Variants in THSD7B observed in about 807,000 individuals in gnomAD.
THSD7B encodes the protein thrombospondin type-1 domain-containing protein 7B.
THSD7B carries 138 observed loss-of-function variants against 213.6 expected under a neutral mutation model. The observed-to-expected ratio is 0.65, with a 90% CI of 0.56 to 0.74. THSD7B has a LOEUF of 0.74. THSD7B is among the 30% of genes least tolerant of loss of function. THSD7B has a pLI of 0.00. For missense variants in THSD7B, 1,931 were observed against 1,991.5 expected (o/e 0.97, Z 0.58); for synonymous variants, 742 against 687.0 (o/e 1.08, Z -1.25).
At chr2:137,657,250 AGGGGTGACTT>A in intron 24 of THSD7B, 90 bp downstream of exon 24, 1 of 1,252,664 alleles carries the variant, frequency 8.0e-7, no homozygotes. Flanking sequence ...ATTATAAACA[AGGGGTGACTT>A]GGGCAGGTAG....
At chr2:137,176,698 A>T (rs898493510) in intron 7 of THSD7B, among the ~76,000 whole-genome samples, 7 of 152,208 alleles carry the variant, frequency 4.6e-5, no homozygotes, top group African/African-American at 7.2e-5. Context: ...TGTTCACTGC[A>T]GTCTTGCTAG....
intron 14 of THSD7B, among the ~76,000 whole-genome samples, chr2:137,447,512 C>G (rs1295260249): frequency 6.6e-6 from 1 of 152,098 alleles, no homozygotes; most frequent in Non-Finnish European, 1.5e-5. Flanking sequence ...AATGTTGTGA[C>G]TTCCTTTTAA....
At chr2:137,136,341 C>G (rs1679459214) in intron 5 of THSD7B, among the ~76,000 whole-genome samples, 1 of 152,114 alleles carries the variant, frequency 6.6e-6, no homozygotes, top group African/African-American at 2.4e-5. Flanking sequence ...AGACTTTATT[C>G]CAGTGAACAG....
At chr2:137,254,010 T>C (rs567731867) in intron 10 of THSD7B, among the ~76,000 whole-genome samples, 3 of 152,324 alleles carry the variant, frequency 2.0e-5, no homozygotes, top group African/African-American at 7.2e-5. Flanking sequence ...AAACATCAAA[T>C]AATTTATGTA....
intron 1 of THSD7B, among the ~76,000 whole-genome samples, chr2:136,774,624 C>T (rs377407535): frequency 1.3e-5 from 2 of 152,072 alleles, no homozygotes; most frequent in Non-Finnish European, 2.9e-5. Flanking sequence ...GCATATTTCA[C>T]AGGTAGCTTA....
At chr2:137,603,776 G>A (rs1384492288) in intron 17 of THSD7B, among the ~76,000 whole-genome samples, 1 of 152,102 alleles carries the variant, frequency 6.6e-6, no homozygotes, top group Non-Finnish European at 1.5e-5. Flanking sequence ...AATATAATTT[G>A]GCTTGGCATC....
rs149407903 is a variant in THSD7B, at chr2:136,991,002, G to A, written c.140-65418G>A. On this transcript the variant is annotated intron_variant, in intron 2 of 27. Coordinates refer to ENST00000409968, the MANE Select transcript of THSD7B (RefSeq NM_001316349.2). ...TATCACATCGTCTCTGCTGGCACAG[G>A]TGAATACCTGTCCTCCCCAAAAAAG... The A allele has an allele frequency of 7.1e-5, 86 of 1,205,774 alleles. No homozygotes were observed. The African/African-American group carries it at 1.2e-3, about 17-fold the overall frequency. 74.7% of individuals were successfully genotyped at this position (1,205,774 alleles called of 1,614,324 possible). A position where few individuals can be genotyped will look rare whatever the true frequency, so the allele number is the denominator to read the frequency against.
intron 12 of THSD7B, among the ~76,000 whole-genome samples, chr2:137,390,967 G>C (rs566417763): frequency 6.6e-6 from 1 of 151,934 alleles, no homozygotes; most frequent in South Asian, 2.1e-4. Context: ...TGTTCACCAG[G>C]GATATTTGTA....
At chr2:137,565,680 G>A (rs1681223173) in intron 16 of THSD7B, among the ~76,000 whole-genome samples, 1 of 152,112 alleles carries the variant, frequency 6.6e-6, no homozygotes, top group African/African-American at 2.4e-5. Flanking sequence ...TTCTCACTTG[G>A]TGGAAGCTTC....
intron 15 of THSD7B, among the ~76,000 whole-genome samples, chr2:137,559,638 C>A (rs1386452020): frequency 7.9e-5 from 12 of 152,142 alleles, no homozygotes; most frequent in Admixed American, 7.9e-4. Flanking sequence ...CAATACCATT[C>A]AGGACATAGG....
chr2:137,228,988 G>T (rs1238948960), intron 7 of THSD7B, among the ~76,000 whole-genome samples: 1 of 152,166 alleles, frequency 6.6e-6, no homozygotes, highest in Admixed American at 6.5e-5. Flanking sequence ...AAGAAAGATA[G>T]AGATGCTCTT....
chr2:137,181,002 T>C (rs903873438), intron 7 of THSD7B, among the ~76,000 whole-genome samples: 7 of 152,154 alleles, frequency 4.6e-5, no homozygotes, highest in African/African-American at 1.7e-4. Context: ...GCAAGAGAGA[T>C]CACCTGTACA....
At position 137,611,665 on chromosome 2, in the gene THSD7B, A is replaced by G. The variant is rs1327842516; in HGVS notation, c.3424-4510A>G. Among the ~76,000 whole-genome samples the G allele has an allele frequency of 2.6e-5, 4 of 152,242 alleles. No individual in the cohort carries two copies. The East Asian group carries it at 7.7e-4, about 29-fold the overall frequency. ...GTTTGAAAAAACAAACAAACAAAAA[A>G]ACACTTATTTGGATGACTAAGACTA... On this transcript the variant is annotated intron_variant, in intron 17 of 27. Transcript: ENST00000409968.
intron 2 of THSD7B, among the ~76,000 whole-genome samples, chr2:136,981,840 C>T (rs1449956802): frequency 2.0e-5 from 3 of 152,170 alleles, no homozygotes; most frequent in African/African-American, 7.2e-5. Context: ...ACCCACCCCT[C>T]TTTCTTATCT....
At chr2:137,403,208 C>T (rs780919744) in intron 12 of THSD7B, among the ~76,000 whole-genome samples, 11 of 152,134 alleles carry the variant, frequency 7.2e-5, no homozygotes, top group Non-Finnish European at 1.6e-4. Context: ...ATTGTGTGTG[C>T]ATCCATTGTC....
chr2:136,990,909 TG>T, intron 2 of THSD7B: 1 of 1,349,568 alleles, frequency 7.4e-7, no homozygotes, highest in Non-Finnish European at 9.9e-7. Flanking sequence ...ACACAGCAGA[TG>T]AGGTGGTTTT....
At chr2:137,344,678 AT>A (rs767102744) in intron 12 of THSD7B, among the ~76,000 whole-genome samples, 5 of 151,624 alleles carry the variant, frequency 3.3e-5, no homozygotes, top group African/African-American at 4.8e-5. Flanking sequence ...ATTTTCTCTC[AT>A]TATGACATAG....
chr2:137,373,160 G>A (rs12469170), intron 12 of THSD7B, among the ~76,000 whole-genome samples: 87,125 of 151,746 alleles, frequency 0.57, 27,704 homozygotes, highest in East Asian at 0.78. Context: ...ATAAACATAC[G>A]TGTGCATGTG....
At chr2:136,815,299 C>G in intron 1 of THSD7B, among the ~76,000 whole-genome samples, 1 of 152,194 alleles carries the variant, frequency 6.6e-6, no homozygotes, top group South Asian at 2.1e-4. Flanking sequence ...GTAGGTCAGT[C>G]AGGCAAAAAG....
Sources: allele counts gnomAD v4.1 joint callset (sites outside exome capture counted in the v4.1 genomes callset), GRCh38; gene constraint gnomAD v4.1.1; transcripts MANE v1.5; gene names NCBI Gene and HGNC (gene_info 2026-07-23, HGNC 2026-07-21).